Variants in CRB1 observed in about 807,000 individuals in gnomAD.
CRB1 encodes protein crumbs homolog 1.
In CRB1, 83 loss-of-function variants were observed where a neutral mutation model predicts 120.0. The ratio of observed to expected loss-of-function variants is 0.69; its 90% confidence interval spans 0.58 to 0.83. The LOEUF (loss-of-function observed/expected upper bound fraction) is 0.83. Ranked by LOEUF, CRB1 falls within the 40% of genes least tolerant of loss-of-function variation. CRB1 has a pLI of 0.00. For missense variants in CRB1, 1,699 were observed against 1,687.6 expected, an observed-to-expected ratio of 1.01 and a Z score of -0.12; for synonymous variants, 625 against 612.5, an observed-to-expected ratio of 1.02 and a Z score of -0.30.
At chr1:197,406,553 AAC>A (rs1663418342) in intron 5 of CRB1, among the ~76,000 whole-genome samples, 1 of 152,118 alleles carries the variant, frequency 6.6e-6, no homozygotes, top group African/African-American at 2.4e-5. Context: ...CTCTGCGAGA[AAC>A]ACCCAAGAAT....
chr1:197,322,532 AT>A (rs1658262925), intron 1 of CRB1, among the ~76,000 whole-genome samples: 1 of 151,792 alleles, frequency 6.6e-6, no homozygotes, highest in African/African-American at 2.4e-5. Context: ...CTTTATCTAT[AT>A]TTGGTTAAAT....
intron 5 of CRB1, among the ~76,000 whole-genome samples, chr1:197,389,496 T>G (rs1401896284): frequency 6.6e-6 from 1 of 152,068 alleles, no homozygotes; most frequent in African/African-American, 2.4e-5. Flanking sequence ...GTTAATTTCA[T>G]AGAGTCAGAA....
At chr1:197,363,257 T>TG (rs1331712713) in intron 5 of CRB1, among the ~76,000 whole-genome samples, 8 of 152,078 alleles carry the variant, frequency 5.3e-5, no homozygotes, top group Non-Finnish European at 1.0e-4. Flanking sequence ...GATACTCCAT[T>TG]GTGTTTACTT....
intron 1 of CRB1, 123 bp downstream of exon 1, chr1:197,268,605 G>GT (rs896499853): frequency 0.014 from 8,896 of 636,334 alleles, 2 homozygotes; most frequent in East Asian, 0.017. Flanking sequence ...GTTTTTATTT[G>GT]TTTTTTTTTT....
intron 1 of CRB1, among the ~76,000 whole-genome samples, chr1:197,274,185 A>G (rs1260001911): frequency 6.6e-6 from 1 of 152,120 alleles, no homozygotes. Context: ...GATTTCCACT[A>G]TCTGCCATTT....
rs527926292 is a variant in CRB1 at position 197,449,618 on chromosome 1, G to A, written c.4005+7326G>A. Among the ~76,000 whole-genome samples the A allele has an allele frequency of 4.3e-4, 65 of 152,068 alleles. 1 individual carries two copies. In the South Asian group the frequency reaches 0.013, roughly 30 times the overall value. On this transcript the variant is annotated intron_variant, in intron 11 of 11. Coordinates refer to ENST00000367400, the MANE Select transcript of CRB1 (RefSeq NM_201253.3). ...CCTGACCTCGTGATCCGCCCGCCTC[G>A]GCCTCCCAAAGTGCTGGAATTACAA...
rs769620939 is a variant in CRB1, at chr1:197,357,139, G to T, written c.1171+126G>T. ...AAACTCTGCTGCTGTGGTGCAAAGG[G>T]TCCCCCTTGTGGGCATGAAAAGTAT... On this transcript the variant is annotated intron_variant, in intron 5 of 11. Coordinates refer to ENST00000367400, the MANE Select transcript of CRB1 (RefSeq NM_201253.3). 7 of 951,372 alleles carry T rather than the reference G, an allele frequency of 7.4e-6. 1 individual carries two copies. In the East Asian group the frequency reaches 1.2e-4, roughly 17 times the overall value. 58.9% of individuals were successfully genotyped at this position (951,372 alleles called of 1,614,324 possible). A position where few individuals can be genotyped will look rare whatever the true frequency, so the allele number is the denominator to read the frequency against.
chr1:197,295,001 C>G (rs552531332), intron 1 of CRB1, among the ~76,000 whole-genome samples: 9 of 152,184 alleles, frequency 5.9e-5, no homozygotes, highest in African/African-American at 2.2e-4. Context: ...CACATGTATA[C>G]ATATGTAGCA....
chr1:197,380,252 G>T (rs1277884144), intron 5 of CRB1, among the ~76,000 whole-genome samples: 1 of 152,116 alleles, frequency 6.6e-6, no homozygotes. Context: ...AGAGGATAGG[G>T]CTTCAAAATT....
At chr1:197,255,225 A>T in the CRB1 span, among the ~76,000 whole-genome samples, 221 of 151,948 alleles carry the variant, frequency 1.5e-3, 1 homozygote, top group African/African-American at 5.1e-3. Flanking sequence ...GGCTACTCTG[A>T]CTCTCTCTTC....
At chr1:197,321,267 G>GA (rs1658173720) in intron 1 of CRB1, among the ~76,000 whole-genome samples, 1 of 152,248 alleles carries the variant, frequency 6.6e-6, no homozygotes, top group Non-Finnish European at 1.5e-5. Context: ...ATAAATTCTT[G>GA]AAAAATCTTA....
chr1:197,218,484 A>G, the CRB1 span, among the ~76,000 whole-genome samples: 26 of 152,332 alleles, frequency 1.7e-4, no homozygotes, highest in Non-Finnish European at 2.5e-4. Context: ...TCCTGGACCA[A>G]ATAAAACAAG....
chr1:197,322,643 C>T (rs1046757752), intron 1 of CRB1, among the ~76,000 whole-genome samples: 1 of 152,012 alleles, frequency 6.6e-6, no homozygotes, highest in Non-Finnish European at 1.5e-5. Context: ...TTAGACAGCA[C>T]TGGTATAGGT....
chr1:197,452,670 T>C (rs1487183031), intron 11 of CRB1, among the ~76,000 whole-genome samples: 1 of 152,100 alleles, frequency 6.6e-6, no homozygotes, highest in East Asian at 1.9e-4. Flanking sequence ...CAGAGCAAGG[T>C]TTAGAACCTG....
At chr1:197,243,197 G>A in the CRB1 span, among the ~76,000 whole-genome samples, 1 of 151,898 alleles carries the variant, frequency 6.6e-6, no homozygotes, top group Non-Finnish European at 1.5e-5. Flanking sequence ...TCTGATCTTA[G>A]TATTTATTGT....
chr1:197,421,986 A>G (rs1664356908), intron 6 of CRB1, 30 bp downstream of exon 6: 1 of 1,601,980 alleles, frequency 6.2e-7, no homozygotes, highest in Non-Finnish European at 8.5e-7. Context: ...TATGGCTAGG[A>G]GTGCCATGCC....
chr1:197,240,399 G>C, the CRB1 span, among the ~76,000 whole-genome samples: 8 of 152,052 alleles, frequency 5.3e-5, no homozygotes, highest in South Asian at 1.2e-3. Flanking sequence ...CCTGGTGTGC[G>C]ATGTTCCCCT....
At chr1:197,402,404 C>G (rs770073107) in intron 5 of CRB1, among the ~76,000 whole-genome samples, 2 of 152,174 alleles carry the variant, frequency 1.3e-5, no homozygotes, top group Non-Finnish European at 2.9e-5. Flanking sequence ...TTTTTTATGG[C>G]TGCATAGTAT....
intron 1 of CRB1, among the ~76,000 whole-genome samples, chr1:197,309,311 G>GAC (rs139719097): frequency 0.011 from 1,618 of 150,722 alleles, 24 homozygotes; most frequent in African/African-American, 0.025. Flanking sequence ...CGTCTTTGCT[G>GAC]ACACACACAC....
Sources: gnomAD v4.1 joint callset for allele counts (sites outside exome capture counted in the v4.1 genomes callset) on GRCh38, gnomAD v4.1.1 for gene constraint, MANE v1.5 for transcripts, NCBI Gene and HGNC (gene_info 2026-07-23, HGNC 2026-07-21) for gene names.